Variants in DAP3 observed in about 807,000 individuals in gnomAD.
DAP3 encodes small ribosomal subunit protein mS29.
A neutral mutation model predicts 51.9 loss-of-function variants in DAP3; 28 were observed. The ratio of observed to expected loss-of-function variants is 0.54; its 90% CI spans 0.40 to 0.74. The LOEUF (loss-of-function observed/expected upper bound fraction) is 0.74. Ranked by LOEUF, DAP3 falls within the 30% of genes least tolerant of loss-of-function variation. DAP3 has a pLI of 0.00. For synonymous variants in DAP3, 170 were observed against 170.3 expected (o/e 1.00, Z 0.01); for missense variants, 458 against 483.5 (o/e 0.95, Z 0.49).
At chr1:155,700,091 C>G (rs773579225) in intron 1 of DAP3, among the ~76,000 whole-genome samples, 8 of 152,174 alleles carry the variant, frequency 5.3e-5, no homozygotes, top group Non-Finnish European at 4.4e-5. Context: ...CGTGCACCAC[C>G]ACGCCCAGTT....
chr1:155,717,072 A>G lies in DAP3; in HGVS notation c.112A>G (p.Asn38Asp). The change falls in exon 3 of 13, where the codon AAC (asparagine) becomes GAC (aspartate). Residue 38 changes from asparagine (N) to aspartate (D), a missense_variant. Physicochemically the swap from Asn to Asp is conservative, Grantham distance 23. Coordinates refer to ENST00000368336, the MANE Select transcript of DAP3 (RefSeq NM_004632.4). ...CCAAAGCATTGCTGCTCACCTAGAT[A>G]ACCAGGTTCCAGTTGAGAGTCCGAG... ...ARQSIAAHLD[N>D]QVPVESPRAI... 6.2e-7 allele frequency: 1 copy of G among 1,614,014 alleles called. No individual in the cohort carries two copies. Among genetic ancestry groups the G allele is most frequent in the East Asian group, 2.2e-5 (1 of 44,896 alleles).
chr1:155,725,329 C>A lies in DAP3; in HGVS notation c.271-53C>A. 4 of 1,513,752 alleles carry A rather than the reference C, an allele frequency of 2.6e-6. No individual in the cohort carries two copies. In the Admixed American group the frequency reaches 5.0e-5, roughly 19 times the overall value. 93.8% of individuals were successfully genotyped at this position (1,513,752 alleles called of 1,614,324 possible). A position where few individuals can be genotyped will look rare whatever the true frequency, so the allele number is the denominator to read the frequency against. ...TTAGGCAGAGTATATATACCACCCC[C>A]CACCCACTCCTTCCACACCCACCCA... On this transcript the variant is annotated intron_variant, in intron 4 of 12. Transcript: ENST00000368336.
At chr1:155,688,686 C>T, upstream of DAP3, 1 of 1,529,708 alleles carries the variant, frequency 6.5e-7, no homozygotes, top group Non-Finnish European at 8.7e-7. Context: ...CAAGCCTTCT[C>T]CACCTCCTCT....
chr1:155,709,103 C>G (rs1656375099), intron 1 of DAP3: 1 of 152,114 alleles, frequency 6.6e-6, no homozygotes, highest in African/African-American at 2.4e-5. Flanking sequence ...CCACCTTGAC[C>G]TCCCAAAGTG....
chr1:155,729,042 A>G lies in DAP3; in HGVS notation c.604A>G (p.Ile202Val). The G allele has an allele frequency of 6.2e-7, 1 of 1,612,248 alleles. No individual in the cohort carries two copies. Among genetic ancestry groups the G allele is most frequent in the African/African-American group, 1.3e-5 (1 of 74,760 alleles). The change falls in exon 8 of 13, where the codon ATA becomes GTA. Residue 202 changes from isoleucine to valine, a missense_variant and splice_region_variant. Physicochemically the swap from Ile to Val is conservative, Grantham distance 29 (BLOSUM62 3). Transcript: ENST00000368336. ...KTTNERFLNQ[I>V]KVQEKYVWNK... is the part of the protein sequence containing the mutation. ...TTTTATTTTCTTTGCTTGCTTTTAG[A>G]TAAAAGTTCAAGAGAAGTATGTCTG...
chr1:155,700,693 T>TG (rs1242087390), intron 1 of DAP3, among the ~76,000 whole-genome samples: 5 of 56,722 alleles, frequency 8.8e-5, no homozygotes, highest in African/African-American at 2.2e-4. Context: ...GGGAGGGAGA[T>TG]GGGGGGGTCA....
At chr1:155,688,361 T>C (rs1652963161), upstream of DAP3, 2 of 1,547,236 alleles carry the variant, frequency 1.3e-6, no homozygotes, top group East Asian at 4.9e-5. Context: ...CGGCAGCTCC[T>C]CCAGAGGGAG....
intron 2 of DAP3, among the ~76,000 whole-genome samples, chr1:155,711,588 T>G (rs1450750025): frequency 3.3e-5 from 5 of 151,780 alleles, no homozygotes; most frequent in African/African-American, 9.7e-5. Flanking sequence ...GTTTTGTTTT[T>G]TTTTTTTTAC....
At chr1:155,736,785 CA>C (rs1557805017) in intron 11 of DAP3, 160 bp from the exon 12 acceptor site, 2 of 672,428 alleles carry the variant, frequency 3.0e-6, no homozygotes, top group African/African-American at 3.6e-5. Context: ...ATGTGGAGTC[CA>C]TATGTGGAGT....
At chr1:155,714,393 T>C (rs761650364) in intron 2 of DAP3, among the ~76,000 whole-genome samples, 1 of 152,138 alleles carries the variant, frequency 6.6e-6, no homozygotes, top group Non-Finnish European at 1.5e-5. Context: ...TAGTCGAAGG[T>C]TAAACCTATT....
upstream of DAP3, chr1:155,688,773 A>G: frequency 6.5e-7 from 1 of 1,533,944 alleles, no homozygotes; most frequent in Non-Finnish European, 8.7e-7. Flanking sequence ...CCCCCACCCT[A>G]CACTCCTCGC....
At chr1:155,711,598 C>A (rs678688) in intron 2 of DAP3, among the ~76,000 whole-genome samples, 91 of 142,194 alleles carry the variant, frequency 6.4e-4, no homozygotes, top group African/African-American at 2.1e-3. Flanking sequence ...TTTTTTTTTA[C>A]TAGTTTGGTT....
rs1041724474 is a variant in DAP3 at position 155,732,008 on chromosome 1, A to G, written c.968A>G (p.Tyr323Cys). The change falls in exon 11 of 13, where the codon TAT becomes TGT. Residue 323 changes from tyrosine (Y) to cysteine (C), a missense_variant. Coordinates refer to ENST00000368336, the MANE Select transcript of DAP3 (RefSeq NM_004632.4). ...TGSLFKPRKA[Y>C]LPQELLGKEG... ...TCTCTCTTTAAGCCCCGGAAAGCCT[A>G]TCTGCCCCAGGAGTTGCTGGGAAAG... The G allele has an allele frequency of 8.7e-6, 14 of 1,611,900 alleles. No individual in the cohort carries two copies. Among genetic ancestry groups the G allele is most frequent in the South Asian group, 7.7e-5 (7 of 90,546 alleles).
Position 155,721,644 on chromosome 1 carries a change from G to A in DAP3, c.270+26G>A, listed in dbSNP as rs540380. On this transcript the variant is annotated intron_variant, in intron 4 of 12. Coordinates refer to ENST00000368336, the MANE Select transcript of DAP3 (RefSeq NM_004632.4). ...GTGCTCAAGACAGGGAATGGAATTGGAGGGAGCCCAGAATACAAGCTGCTG... is the reference window on the plus strand; with the variant it reads ...GTGCTCAAGACAGGGAATGGAATTGAAGGGAGCCCAGAATACAAGCTGCTG... The A allele has an allele frequency of 0.012, 19,444 of 1,611,106 alleles. 2,079 individuals are homozygous for A. In the African/African-American group the frequency reaches 0.23, roughly 19 times the overall value.
upstream of DAP3, chr1:155,688,277 A>C (rs1571385191): frequency 6.3e-7 from 1 of 1,590,716 alleles, no homozygotes; most frequent in Non-Finnish European, 8.6e-7. Flanking sequence ...GGATCCCGCA[A>C]CCGACACTGG....
chr1:155,727,981 T>C (rs1418806117), intron 7 of DAP3, among the ~76,000 whole-genome samples: 2 of 152,116 alleles, frequency 1.3e-5, no homozygotes, highest in African/African-American at 2.4e-5. Flanking sequence ...AGTTGATTCA[T>C]TGACTTTTCA....
At chr1:155,710,897 G>A (rs908171407) in intron 2 of DAP3, among the ~76,000 whole-genome samples, 3 of 152,004 alleles carry the variant, frequency 2.0e-5, no homozygotes, top group African/African-American at 7.2e-5. Flanking sequence ...ATTTCAGTAT[G>A]GTGCTCTTAC....
intron 1 of DAP3, among the ~76,000 whole-genome samples, chr1:155,698,926 G>A (rs1257495703): frequency 2.0e-5 from 3 of 152,080 alleles, no homozygotes; most frequent in Admixed American, 6.6e-5. Context: ...CATTTCACAC[G>A]CTTGAGCATG....
Position 155,709,769 on chromosome 1 carries a change from A to G in DAP3, c.-7-4A>G. ...CCTTTTCACTTTTTTTTTTTTTGTA[A>G]CAGTGCAAGGATGATGCTGAAAGGA... On this transcript the variant is annotated splice_region_variant and splice_polypyrimidine_tract_variant and intron_variant, in intron 1 of 12. Coordinates refer to ENST00000368336, the MANE Select transcript of DAP3 (RefSeq NM_004632.4). 2 of 1,597,102 alleles carry G rather than the reference A, an allele frequency of 1.3e-6. No homozygotes were observed. The highest frequency in any genetic ancestry group is 8.5e-7 in the Non-Finnish European group (1 of 1,173,870).
Sources: gnomAD v4.1 joint callset for allele counts (sites outside exome capture counted in the v4.1 genomes callset) on GRCh38, gnomAD v4.1.1 for gene constraint, MANE v1.5 for transcripts, NCBI Gene and HGNC (gene_info 2026-07-23, HGNC 2026-07-21) for gene names.